RARB: variants seen among roughly 807,000 people sequenced by gnomAD.
The protein encoded by RARB is HBV-activated protein.
Under a neutral mutation model 51.9 loss-of-function variants are expected in RARB, and 17 were observed. The ratio of observed to expected loss-of-function variants is 0.33; its 90% CI spans 0.22 to 0.49. The LOEUF (loss-of-function observed/expected upper bound fraction) is 0.49. RARB is among the 20% of genes least tolerant of loss of function. The probability of loss-of-function intolerance (pLI) is 0.99; values close to 1 mark genes in which losing one functional copy is unlikely to be tolerated. For missense variants in RARB, 369 were observed against 550.8 expected (o/e 0.67, Z 3.30); for synonymous variants, 215 against 195.4 (o/e 1.10, Z -0.84).
chr3:25,071,086 A>G (rs1208714591), intron 3 of RARB, among the ~76,000 whole-genome samples: 2 of 152,218 alleles, frequency 1.3e-5, no homozygotes, highest in Non-Finnish European at 2.9e-5. Flanking sequence ...TAAGGATTTA[A>G]TGGGCTTCTT....
intron 1 of RARB, among the ~76,000 whole-genome samples, chr3:25,446,695 T>C (rs571532478): frequency 9.3e-4 from 137 of 147,318 alleles, no homozygotes; most frequent in African/African-American, 3.3e-3. Context: ...CCCAGCTACT[T>C]GGGAGGCTGA....
chr3:25,302,420 T>C (rs1704062237), intron 5 of RARB, among the ~76,000 whole-genome samples: 1 of 152,202 alleles, frequency 6.6e-6, no homozygotes, highest in African/African-American at 2.4e-5. Context: ...TGGAATATTA[T>C]TCAGCCATAA....
intron 2 of RARB, among the ~76,000 whole-genome samples, chr3:24,966,351 CAAATG>C (rs1035630747): frequency 3.2e-4 from 48 of 152,188 alleles, no homozygotes; most frequent in Middle Eastern, 3.4e-3. Context: ...ACAATTTTAA[CAAATG>C]AAAGAAGGAG....
At chr3:24,906,509 T>C (rs1022134562) in intron 2 of RARB, among the ~76,000 whole-genome samples, 1 of 152,122 alleles carries the variant, frequency 6.6e-6, no homozygotes, top group Non-Finnish European at 1.5e-5. Context: ...TTTATCATTT[T>C]GGGAAGGCTA....
intron 1 of RARB, among the ~76,000 whole-genome samples, chr3:24,854,352 AT>A (rs1307520595): frequency 6.6e-6 from 1 of 152,210 alleles, no homozygotes; most frequent in Non-Finnish European, 1.5e-5. Context: ...ATGTGAGTGC[AT>A]GGTGTAGTGG....
At position 25,461,208 on chromosome 3, in the gene RARB, G is replaced by A. The variant is rs770285512; in HGVS notation, c.173G>A (p.Ser58Asn). ...TCTATTATAGCAATTGAAACACAGA[G>A]CACCAGCTCTGAGGAACTCGTCCCA... ...RHTAQSIETQ[S>N]TSSEELVPSP... The change falls in exon 2 of 8, where the codon AGC becomes AAC. Residue 58 changes from serine (S) to asparagine (N), a missense_variant. Around this residue, in one of 9 missense-constraint regions of RARB, gnomAD observed 99 missense variants for 95.1 expected, o/e 1.04. Coordinates refer to ENST00000330688, the MANE Select transcript of RARB (RefSeq NM_000965.5). 1 of 1,612,498 alleles carries A rather than the reference G, an allele frequency of 6.2e-7. No homozygotes were observed. The highest frequency in any genetic ancestry group is 8.5e-7 in the Non-Finnish European group (1 of 1,179,328).
At chr3:24,982,563 T>C (rs1696701340) in intron 2 of RARB, among the ~76,000 whole-genome samples, 1 of 152,218 alleles carries the variant, frequency 6.6e-6, no homozygotes, top group African/African-American at 2.4e-5. Flanking sequence ...CCTCCATCTT[T>C]GGTTTTCCTT....
intron 1 of RARB, among the ~76,000 whole-genome samples, chr3:24,846,536 A>T (rs773235615): frequency 6.6e-6 from 1 of 152,226 alleles, no homozygotes; most frequent in Non-Finnish European, 1.5e-5. Flanking sequence ...TTAGTAAGCT[A>T]ATCTGGCAGG....
intron 2 of RARB, among the ~76,000 whole-genome samples, chr3:24,936,953 A>C (rs923920861): frequency 6.6e-6 from 1 of 152,210 alleles, no homozygotes; most frequent in Non-Finnish European, 1.5e-5. Flanking sequence ...TCCTGGGTTA[A>C]ATATCTATGA....
chr3:25,380,810 A>G (rs1277441252), intron 5 of RARB, among the ~76,000 whole-genome samples: 2 of 151,930 alleles, frequency 1.3e-5, no homozygotes, highest in Non-Finnish European at 2.9e-5. Context: ...CATGTCCTCT[A>G]TTCACTCATC....
At chr3:25,106,004 T>G (rs1699492067) in intron 3 of RARB, among the ~76,000 whole-genome samples, 1 of 152,148 alleles carries the variant, frequency 6.6e-6, no homozygotes, top group Non-Finnish European at 1.5e-5. Flanking sequence ...TTCAGATCAT[T>G]TAGACTGCAG....
chr3:24,892,061 G>A (rs1381555026), intron 2 of RARB, among the ~76,000 whole-genome samples: 1 of 152,044 alleles, frequency 6.6e-6, no homozygotes, highest in Non-Finnish European at 1.5e-5. Flanking sequence ...ATAACCTATG[G>A]GGAGACAGAT....
intron 4 of RARB, among the ~76,000 whole-genome samples, chr3:25,141,753 G>C (rs924231095): frequency 1.3e-5 from 2 of 152,094 alleles, no homozygotes; most frequent in African/African-American, 4.8e-5. Context: ...ATCCTAAGGT[G>C]AATTCTAAGA....
intron 5 of RARB, among the ~76,000 whole-genome samples, chr3:25,239,968 T>A (rs191335953): frequency 1.3e-5 from 2 of 152,130 alleles, no homozygotes; most frequent in Non-Finnish European, 2.9e-5. Flanking sequence ...GTTTCTTTCA[T>A]CAGTGTTTGG....
chr3:25,412,239 T>C (rs557812627), intron 5 of RARB, among the ~76,000 whole-genome samples: 1 of 152,342 alleles, frequency 6.6e-6, no homozygotes. Context: ...CTCGTCCTTA[T>C]CCTGCACTTA....
At chr3:25,416,512 CA>C (rs1479264899) in intron 5 of RARB, among the ~76,000 whole-genome samples, 1 of 152,120 alleles carries the variant, frequency 6.6e-6, no homozygotes, top group Non-Finnish European at 1.5e-5. Flanking sequence ...TCTTCAAAGC[CA>C]ATTCAATGGA....
chr3:25,277,191 T>A (rs1288920719), intron 5 of RARB, among the ~76,000 whole-genome samples: 1 of 152,162 alleles, frequency 6.6e-6, no homozygotes, highest in Non-Finnish European at 1.5e-5. Context: ...GGAAGAACTC[T>A]AGGTAGGTGT....
intron 5 of RARB, among the ~76,000 whole-genome samples, chr3:25,399,948 T>A (rs1237664604): frequency 2.0e-5 from 3 of 152,220 alleles, no homozygotes; most frequent in Non-Finnish European, 4.4e-5. Flanking sequence ...TCACTCTATG[T>A]CTCTATTTCC....
At chr3:25,419,149 T>C (rs1707789095) in intron 5 of RARB, among the ~76,000 whole-genome samples, 1 of 152,064 alleles carries the variant, frequency 6.6e-6, no homozygotes, top group Non-Finnish European at 1.5e-5. Flanking sequence ...TAGCAAGGCC[T>C]ATCTATTTAG....
Sources: allele counts gnomAD v4.1 joint callset (sites outside exome capture counted in the v4.1 genomes callset), GRCh38; gene constraint gnomAD v4.1.1; regional missense constraint gnomAD v4.1.1; transcripts MANE v1.5; gene names NCBI Gene and HGNC (gene_info 2026-07-23, HGNC 2026-07-21).